LARGE1: variants seen among roughly 807,000 people sequenced by gnomAD.
LARGE1 encodes the protein LARGE xylosyl- and glucuronyltransferase 1.
Under a neutral mutation model 87.6 loss-of-function variants are expected in LARGE1, and 43 were observed. That is an observed-to-expected ratio of 0.49 (90% CI 0.38 to 0.63). LARGE1 has a LOEUF of 0.63. Among genes scored for constraint, LARGE1 ranks in the 30% least tolerant of loss-of-function variants. The pLI, the probability that LARGE1 is intolerant of heterozygous loss-of-function variation, is 0.00. For missense variants in LARGE1, 802 were observed against 1,000.2 expected (o/e 0.80, Z 2.67); for synonymous variants, 434 against 394.6 (o/e 1.10, Z -1.18).
rs35304393 is a variant in LARGE1, at chr22:33,272,937, GA to G, written c.*1489del. 3.9e-5 allele frequency: 6 copies of G among 152,650 alleles called. No homozygotes were observed. The highest frequency in any genetic ancestry group is 7.3e-5 in the African/African-American group (3 of 41,360). The allele number at this position is 152,650 out of a possible 1,614,324, so 9.5% of individuals were successfully genotyped here. On this transcript the variant is annotated 3_prime_UTR_variant, in exon 15 of 15. Transcript: ENST00000397394. ...TGGGATCTAACTTCAGGCAAAAGGG[GA>G]AAAAAAAGGCTAAAGTTCAAATGAT... is the stretch of plus-strand genomic sequence containing the variant.
At chr22:33,139,710 C>T in the LARGE1 span, among the ~76,000 whole-genome samples, 1 of 152,148 alleles carries the variant, frequency 6.6e-6, no homozygotes, top group South Asian at 2.1e-4. Flanking sequence ...GTTTAGCTTG[C>T]TATTCTCATG....
chr22:33,687,095 G>A (rs2081967610), intron 2 of LARGE1, among the ~76,000 whole-genome samples: 1 of 151,580 alleles, frequency 6.6e-6, no homozygotes, highest in South Asian at 2.1e-4. Context: ...CCTTCCATCT[G>A]GAATATTCTT....
At chr22:33,788,269 G>A (rs2145961621) in intron 1 of LARGE1, among the ~76,000 whole-genome samples, 1 of 152,326 alleles carries the variant, frequency 6.6e-6, no homozygotes, top group Middle Eastern at 3.4e-3. Context: ...TTTCTTGCCT[G>A]CTGCCATGTA....
intron 6 of LARGE1, among the ~76,000 whole-genome samples, chr22:33,446,286 G>A (rs1052211015): frequency 5.9e-5 from 9 of 152,144 alleles, no homozygotes; most frequent in Admixed American, 3.3e-4. Flanking sequence ...GCTGTTCCTG[G>A]GCTGTATCCT....
intron 5 of LARGE1, among the ~76,000 whole-genome samples, chr22:33,601,116 T>C (rs116076866): frequency 1.3e-5 from 2 of 151,984 alleles, no homozygotes; most frequent in East Asian, 3.9e-4. Flanking sequence ...CTCAGAGCAG[T>C]AGGAAACCAG....
chr22:33,673,704 T>C (rs2149272344), intron 2 of LARGE1, among the ~76,000 whole-genome samples: 1 of 152,248 alleles, frequency 6.6e-6, no homozygotes, highest in South Asian at 2.1e-4. Context: ...TTTTTATTTT[T>C]ATTTTTATTT....
At chr22:33,158,786 A>C (rs1921939865), downstream of LARGE1, among the ~76,000 whole-genome samples, 3 of 152,208 alleles carry the variant, frequency 2.0e-5, no homozygotes. Flanking sequence ...CACTGGACAA[A>C]GGGATAAATT....
intron 1 of LARGE1, among the ~76,000 whole-genome samples, chr22:33,837,560 G>A (rs1384474649): frequency 6.6e-6 from 1 of 152,208 alleles, no homozygotes; most frequent in Non-Finnish European, 1.5e-5. Flanking sequence ...AGCAGCCTAA[G>A]TGAAAAGCAT....
At chr22:33,779,878 A>T (rs1465572920) in intron 1 of LARGE1, among the ~76,000 whole-genome samples, 2 of 152,170 alleles carry the variant, frequency 1.3e-5, no homozygotes, top group Non-Finnish European at 2.9e-5. Flanking sequence ...TTCTACTTTC[A>T]TGGTATAGAA....
chr22:33,593,130 C>T (rs545568248), intron 5 of LARGE1, among the ~76,000 whole-genome samples: 76 of 151,708 alleles, frequency 5.0e-4, no homozygotes, highest in African/African-American at 1.6e-3. Flanking sequence ...TGAGCCACAG[C>T]GCCCAGCCTT....
chr22:33,848,590 C>T (rs12160566), intron 1 of LARGE1, among the ~76,000 whole-genome samples: 86 of 152,148 alleles, frequency 5.7e-4, no homozygotes, highest in African/African-American at 1.9e-3. Flanking sequence ...TTCCTGAAGC[C>T]GCGTTGTGCC....
At chr22:33,492,227 T>A (rs2069881814) in intron 6 of LARGE1, among the ~76,000 whole-genome samples, 2 of 152,192 alleles carry the variant, frequency 1.3e-5, no homozygotes, top group African/African-American at 4.8e-5. Flanking sequence ...GCTCCCAGAT[T>A]AAGCCCCTAT....
intron 3 of LARGE1, among the ~76,000 whole-genome samples, chr22:33,635,349 T>C (rs1204976232): frequency 6.6e-6 from 1 of 152,156 alleles, no homozygotes; most frequent in Non-Finnish European, 1.5e-5. Flanking sequence ...CAGCCTGCGG[T>C]CACTGGTCCA....
At position 33,354,629 on chromosome 22, in the gene LARGE1, GTCA is replaced by G. The variant is rs1416284792; in HGVS notation, c.1132-16831_1132-16829del. ...AATAAATTATCAAAAGCAAATGATGGTCATCAAGAGAGACTTAAATATAATAGC... is the reference window on the plus strand; with the variant it reads ...AATAAATTATCAAAAGCAAATGATGGTCAAGAGAGACTTAAATATAATAGC... On this transcript the variant is annotated intron_variant, in intron 9 of 14. Coordinates refer to ENST00000397394, the MANE Select transcript of LARGE1 (RefSeq NM_133642.5). Among the ~76,000 whole-genome samples, 21 of 152,284 alleles carry G rather than the reference GTCA, an allele frequency of 1.4e-4. No individual in the cohort carries two copies. The East Asian group carries it at 3.9e-3, about 28-fold the overall frequency.
At chr22:33,675,291 T>A (rs1490694202) in intron 2 of LARGE1, among the ~76,000 whole-genome samples, 5 of 844 alleles carry the variant, frequency 5.9e-3, no homozygotes, top group East Asian at 0.031. Context: ...CGAAACTCCA[T>A]CAAAAAAAAA....
intron 2 of LARGE1, among the ~76,000 whole-genome samples, chr22:33,735,091 A>G (rs2083606670): frequency 1.3e-5 from 2 of 152,196 alleles, no homozygotes. Flanking sequence ...GCAGGACATC[A>G]GTTTACAAAG....
chr22:33,500,109 G>C (rs1410835268), intron 6 of LARGE1, among the ~76,000 whole-genome samples: 1 of 152,172 alleles, frequency 6.6e-6, no homozygotes, highest in Non-Finnish European at 1.5e-5. Context: ...AAGATACCAT[G>C]TATACATTGA....
chr22:33,521,853 G>C (rs1435585256), intron 6 of LARGE1, among the ~76,000 whole-genome samples: 3 of 152,156 alleles, frequency 2.0e-5, no homozygotes, highest in Non-Finnish European at 2.9e-5. Flanking sequence ...GTTTATTTTG[G>C]CTCATAGCTT....
intron 2 of LARGE1, among the ~76,000 whole-genome samples, chr22:33,753,350 G>A (rs2084392565): frequency 6.6e-6 from 1 of 152,134 alleles, no homozygotes; most frequent in African/African-American, 2.4e-5. Context: ...CCACACTGCT[G>A]GCCTTGGGGA....
Sources: gnomAD v4.1 joint callset for allele counts (sites outside exome capture counted in the v4.1 genomes callset) on GRCh38, gnomAD v4.1.1 for gene constraint, MANE v1.5 for transcripts, NCBI Gene and HGNC (gene_info 2026-07-23, HGNC 2026-07-21) for gene names.